LHPP: variants seen among roughly 807,000 people sequenced by gnomAD.
LHPP encodes hLHPP.
LHPP carries 24 observed loss-of-function variants against 30.3 expected under a neutral mutation model. That is an observed-to-expected ratio of 0.79 (90% CI 0.57 to 1.11). The LOEUF (loss-of-function observed/expected upper bound fraction) is 1.11, where lower values mean the gene tolerates loss of function less well. LHPP is among the 50% of genes most tolerant of loss of function. LHPP has a pLI of 0.00. For synonymous variants in LHPP, 150 were observed against 157.1 expected, an observed-to-expected ratio of 0.95 and a Z score of 0.34; for missense variants, 356 against 367.2, an observed-to-expected ratio of 0.97 and a Z score of 0.25.
Position 124,549,055 on chromosome 10 carries a change from G to A in LHPP, c.716+31784G>A, listed in dbSNP as rs148877912. ...AAGAGTGATTCTTGTGGTTAGACCT[G>A]AATGGGAACTTGTAAGTCTAAAGTG... is the stretch of plus-strand genomic sequence containing the variant. On this transcript the variant is annotated intron_variant, in intron 6 of 6. Coordinates refer to ENST00000368842, the MANE Select transcript of LHPP (RefSeq NM_022126.4). 3.6e-3 allele frequency among the ~76,000 whole-genome samples: 545 copies of A among 152,350 alleles called. 5 individuals carry two copies. The highest frequency in any genetic ancestry group is 0.012 in the African/African-American group (505 of 41,572).
At chr10:124,575,190 C>T (rs1035895778) in intron 6 of LHPP, among the ~76,000 whole-genome samples, 8 of 152,112 alleles carry the variant, frequency 5.3e-5, no homozygotes, top group Admixed American at 5.2e-4. Context: ...TGGACACAGC[C>T]TTGGCCAGGT....
intron 5 of LHPP, among the ~76,000 whole-genome samples, chr10:124,511,371 G>A (rs1417744714): frequency 1.3e-5 from 2 of 152,210 alleles, no homozygotes; most frequent in Non-Finnish European, 2.9e-5. Flanking sequence ...TGTCACCCGT[G>A]TGCATGACAC....
intron 6 of LHPP, 200 bp from the exon 7 acceptor site, chr10:124,613,064 C>T (rs1019120456): frequency 1.7e-6 from 1 of 599,298 alleles, no homozygotes; most frequent in Admixed American, 2.8e-5. Context: ...AGGTTGAGGG[C>T]ACAGTCAGGA....
At chr10:124,546,397 T>TTTTG (rs751474305) in intron 6 of LHPP, among the ~76,000 whole-genome samples, 4 of 147,288 alleles carry the variant, frequency 2.7e-5, no homozygotes, top group African/African-American at 5.4e-5. Flanking sequence ...TTGTATGTTT[T>TTTTG]TTTGTTTGTT....
At chr10:124,567,576 C>G (rs60126211) in intron 6 of LHPP, among the ~76,000 whole-genome samples, 1,775 of 152,348 alleles carry the variant, frequency 0.012, 33 homozygotes, top group African/African-American at 0.041. Context: ...CTTAATATCC[C>G]CGAGTAACCA....
chr10:124,467,042 T>A (rs1478635017), intron 1 of LHPP, among the ~76,000 whole-genome samples: 1 of 151,818 alleles, frequency 6.6e-6, no homozygotes, highest in Non-Finnish European at 1.5e-5. Context: ...GAGAACTGCC[T>A]GAGCCCAGGA....
At position 124,461,907 on chromosome 10, in the gene LHPP, G is replaced by A; in HGVS notation, c.45G>A (p.Leu15=). 8.0e-7 allele frequency: 1 copy of A among 1,256,760 alleles called. No individual in the cohort carries two copies. Among genetic ancestry groups the A allele is most frequent in the Non-Finnish European group, 1.0e-6 (1 of 997,424 alleles). 77.9% of individuals were successfully genotyped at this position (1,256,760 alleles called of 1,614,324 possible). The part of the protein sequence containing the change: ...GKRLAGVRGV[L]LDISGVLYDS... Reference sequence around the variant, plus strand: ...GGCTGGCTGGCGTGCGCGGGGTGCTGCTTGACATCTCGGGCGTGCTGTACG... The same window carrying A: ...GGCTGGCTGGCGTGCGCGGGGTGCTACTTGACATCTCGGGCGTGCTGTACG... The change falls in exon 1 of 7, where the codon CTG becomes CTA. Residue 15 remains leucine, a synonymous_variant. Coordinates refer to ENST00000368842, the MANE Select transcript of LHPP (RefSeq NM_022126.4).
intron 6 of LHPP, among the ~76,000 whole-genome samples, chr10:124,522,675 C>T (rs1802587693): frequency 1.3e-5 from 2 of 152,048 alleles, no homozygotes; most frequent in South Asian, 2.1e-4. Context: ...CACTCCAGGG[C>T]TCCATGTTTG....
chr10:124,497,242 T>C (rs375225099), intron 4 of LHPP, among the ~76,000 whole-genome samples: 13 of 24,966 alleles, frequency 5.2e-4, no homozygotes, highest in African/African-American at 1.2e-3. Context: ...TTCCCATCCT[T>C]CCCATCCTCC....
intron 5 of LHPP, among the ~76,000 whole-genome samples, chr10:124,506,235 TA>T (rs1954059549): frequency 6.7e-6 from 1 of 149,164 alleles, no homozygotes; most frequent in South Asian, 2.1e-4. Flanking sequence ...GACAAGAGAG[TA>T]AGACCTTGTC....
chr10:124,504,501 G>A (rs1326926127), intron 5 of LHPP, among the ~76,000 whole-genome samples: 1 of 151,294 alleles, frequency 6.6e-6, no homozygotes, highest in Admixed American at 6.6e-5. Flanking sequence ...TTGGGGGGCT[G>A]AGGTGGGCAG....
At position 124,580,461 on chromosome 10, in the gene LHPP, T is replaced by G. The variant is rs947590561; in HGVS notation, c.717-32803T>G. Among the ~76,000 whole-genome samples the G allele has an allele frequency of 9.2e-5, 14 of 152,316 alleles. No individual in the cohort carries two copies. The East Asian group carries it at 2.7e-3, about 29-fold the overall frequency. ...GTGTATATGGTGTGAGGTAGGGATT[T>G]GATTTTATTTTCTATGTGGATAACA... On this transcript the variant is annotated intron_variant, in intron 6 of 6. Transcript: ENST00000368842.
rs1481966865 is a variant in LHPP at position 124,576,864 on chromosome 10, C to T, written c.717-36400C>T. On this transcript the variant is annotated intron_variant, in intron 6 of 6. Transcript: ENST00000368842. The surrounding 1 kb of genome is among the most constrained non-coding windows in gnomAD (Gnocchi z 4.2). Reference sequence around the variant, plus strand: ...CCAGCCCGGGCCCGTGGGTGGGCTGCTGAGCACCCGACCACAGCCAGGCCT... The same window carrying T: ...CCAGCCCGGGCCCGTGGGTGGGCTGTTGAGCACCCGACCACAGCCAGGCCT... Among the ~76,000 whole-genome samples the T allele has an allele frequency of 1.3e-5, 2 of 152,124 alleles. No homozygotes were observed. Among genetic ancestry groups the T allele is most frequent in the East Asian group, 3.9e-4 (2 of 5,186 alleles).
chr10:124,476,888 G>A (rs1341262718), intron 1 of LHPP, among the ~76,000 whole-genome samples: 4 of 152,178 alleles, frequency 2.6e-5, no homozygotes, highest in Admixed American at 6.5e-5. Flanking sequence ...ACAGTGGCTA[G>A]CACTGCCCAG....
chr10:124,613,322 G>T lies in LHPP; in HGVS notation c.775G>T (p.Glu259Ter), dbSNP rs765577775. 6.2e-7 allele frequency: 1 copy of T among 1,613,394 alleles called. No homozygotes were observed. ...TGATGGGTACGTGGACAACCTCGCA[G>T]AGGCAGTGGACCTGCTGCTGCAGCA... Reference protein sequence around the residue: ...KADGYVDNLAEAVDLLLQHAD... With the variant: ...KADGYVDNLA Residue 259 changes from glutamate to a stop codon, truncating the protein, a stop_gained, in exon 7 of 7, where the codon GAG becomes TAG. Transcript: ENST00000368842. LOFTEE classifies it high-confidence loss of function.
chr10:124,537,990 C>G (rs1254011172), intron 6 of LHPP, among the ~76,000 whole-genome samples: 2 of 152,238 alleles, frequency 1.3e-5, no homozygotes. Flanking sequence ...CCCACTCTGA[C>G]TGAGCACTGC....
chr10:124,585,055 T>G lies in LHPP; in HGVS notation c.717-28209T>G, dbSNP rs527835069. The stretch of plus-strand genomic sequence containing the variant: ...TGGGTCCCATCCCCAAGATATCTCA[T>G]GTATATGCAAATATTCCAGAATCAA... On this transcript the variant is annotated intron_variant, in intron 6 of 6. Coordinates refer to ENST00000368842, the MANE Select transcript of LHPP (RefSeq NM_022126.4). 8.5e-5 allele frequency among the ~76,000 whole-genome samples: 13 copies of G among 152,348 alleles called. No individual in the cohort carries two copies. In the South Asian group the frequency reaches 2.7e-3, roughly 32 times the overall value.
chr10:124,519,735 A>G (rs990452402), intron 6 of LHPP, among the ~76,000 whole-genome samples: 1 of 152,014 alleles, frequency 6.6e-6, no homozygotes, highest in Non-Finnish European at 1.5e-5. Context: ...GAGGTCTCCA[A>G]CTCCATCTAG....
intron 6 of LHPP, among the ~76,000 whole-genome samples, chr10:124,575,341 C>T (rs989149723): frequency 2.6e-5 from 4 of 152,196 alleles, no homozygotes; most frequent in South Asian, 4.1e-4. Context: ...CCAAGCTGTC[C>T]GCATCTCCAA....
Sources: gnomAD v4.1 joint callset for allele counts (sites outside exome capture counted in the v4.1 genomes callset) on GRCh38, gnomAD v4.1.1 for gene constraint, Gnocchi (gnomAD v3.1) non-coding constraint, MANE v1.5 for transcripts, NCBI Gene and HGNC (gene_info 2026-07-23, HGNC 2026-07-21) for gene names.